MYO1B: variants seen among roughly 807,000 people sequenced by gnomAD.
MYO1B encodes unconventional myosin-Ib.
A neutral mutation model predicts 159.7 loss-of-function variants in MYO1B; 72 were observed. That is an observed-to-expected ratio of 0.45 (90% CI 0.37 to 0.55). The LOEUF (loss-of-function observed/expected upper bound fraction) is 0.55. Ranked by LOEUF, MYO1B falls within the 20% of genes least tolerant of loss-of-function variation. MYO1B has a pLI of 0.00. For missense variants in MYO1B, 1,062 were observed against 1,364.8 expected (o/e 0.78, Z 3.50); for synonymous variants, 468 against 473.8 (o/e 0.99, Z 0.16).
chr2:191,285,574 A>T (rs1282363900), intron 2 of MYO1B, among the ~76,000 whole-genome samples: 2 of 152,224 alleles, frequency 1.3e-5, no homozygotes, highest in Non-Finnish European at 2.9e-5. Flanking sequence ...GAATTGAGAA[A>T]TACTGAAAAA....
chr2:191,260,757 T>C (rs1686762829), intron 1 of MYO1B, among the ~76,000 whole-genome samples: 1 of 149,494 alleles, frequency 6.7e-6, no homozygotes, highest in African/African-American at 2.6e-5. Flanking sequence ...GTTTATTCTT[T>C]CTATCTTTAA....
intron 4 of MYO1B, among the ~76,000 whole-genome samples, chr2:191,335,097 G>A (rs1009024976): frequency 2.0e-5 from 3 of 152,130 alleles, no homozygotes; most frequent in Admixed American, 6.5e-5. Flanking sequence ...ATGAACTATC[G>A]TCTTGGGTGC....
chr2:191,404,436 T>G lies in MYO1B; in HGVS notation c.2556+1718T>G, dbSNP rs771263272. The stretch of plus-strand genomic sequence containing the variant: ...TCTTATGTAACTTCATTTGTCTGCT[T>G]TCCTATACTATTATAATTTCAGGAG... On this transcript the variant is annotated intron_variant, in intron 24 of 30. Coordinates refer to ENST00000392318, the MANE Select transcript of MYO1B (RefSeq NM_001130158.3). Among the ~76,000 whole-genome samples the G allele has an allele frequency of 3.9e-4, 60 of 152,268 alleles. 1 individual carries two copies. The highest frequency in any genetic ancestry group is 7.6e-4 in the Non-Finnish European group (52 of 68,048).
At chr2:191,305,904 A>T (rs906765278) in intron 3 of MYO1B, among the ~76,000 whole-genome samples, 2 of 152,120 alleles carry the variant, frequency 1.3e-5, no homozygotes, top group African/African-American at 4.8e-5. Flanking sequence ...TAGGCTCAGG[A>T]GAGAATTTTC....
At chr2:191,259,130 A>G (rs186159280) in intron 1 of MYO1B, among the ~76,000 whole-genome samples, 1 of 152,364 alleles carries the variant, frequency 6.6e-6, no homozygotes, top group East Asian at 1.9e-4. Context: ...TGACTAGAAC[A>G]GTTAATAACC....
At chr2:191,356,560 G>GA (rs1455838532) in intron 7 of MYO1B, among the ~76,000 whole-genome samples, 1 of 151,940 alleles carries the variant, frequency 6.6e-6, no homozygotes, top group African/African-American at 2.4e-5. Flanking sequence ...CGTTTACCAT[G>GA]AAAAAAGACT....
intron 25 of MYO1B, among the ~76,000 whole-genome samples, chr2:191,408,539 G>T (rs1697068640): frequency 6.6e-6 from 1 of 152,112 alleles, no homozygotes; most frequent in African/African-American, 2.4e-5. Flanking sequence ...GCAAATTAGT[G>T]GGGAGAGGGG....
At chr2:191,248,077 T>G in intron 1 of MYO1B, 3 of 965,452 alleles carry the variant, frequency 3.1e-6, no homozygotes, top group Non-Finnish European at 3.7e-6. Flanking sequence ...GCATTTGTCC[T>G]CCTTTGGGTA....
At chr2:191,390,614 T>C in intron 18 of MYO1B, 122 bp downstream of exon 18, 8 of 1,144,054 alleles carry the variant, frequency 7.0e-6, no homozygotes, top group Non-Finnish European at 9.6e-6. Context: ...ACCTCTGTTT[T>C]GGACCTTCTT....
intron 21 of MYO1B, among the ~76,000 whole-genome samples, chr2:191,400,179 G>C (rs1000789799): frequency 6.6e-6 from 1 of 152,130 alleles, no homozygotes; most frequent in African/African-American, 2.4e-5. Context: ...TTCCAATCAA[G>C]TGGAAACCCA....
chr2:191,292,202 T>C (rs546738902), intron 2 of MYO1B, among the ~76,000 whole-genome samples: 4 of 152,234 alleles, frequency 2.6e-5, no homozygotes, highest in Non-Finnish European at 2.9e-5. Context: ...AAACTTGTCC[T>C]GCTTGGCACC....
chr2:191,414,496 C>A, intron 28 of MYO1B, 21 bp from the exon 29 acceptor site: 1 of 1,585,202 alleles, frequency 6.3e-7, no homozygotes, highest in Non-Finnish European at 8.6e-7. Context: ...TGGTTTTATA[C>A]TATTTTTTAT....
chr2:191,308,461 A>G (rs1193296275), intron 3 of MYO1B, among the ~76,000 whole-genome samples: 1 of 152,184 alleles, frequency 6.6e-6, no homozygotes, highest in Non-Finnish European at 1.5e-5. Context: ...AAGGGTAGCA[A>G]CAGTTCAACT....
rs576178243 is a variant in MYO1B, at chr2:191,324,263, GATTTA to G, written c.252-5667_252-5663del. On this transcript the variant is annotated intron_variant, in intron 3 of 30. Transcript: ENST00000392318. ...TTTAATGTAATATTCGACATGGTTG[GATTTA>G]ATTTGTCATTCAATTATTTATTTCT... Among the ~76,000 whole-genome samples, 23 of 152,010 alleles carry G rather than the reference GATTTA, an allele frequency of 1.5e-4. No homozygotes were observed. The South Asian group carries it at 4.8e-3, about 32-fold the overall frequency.
chr2:191,251,756 C>T (rs775019765), intron 1 of MYO1B, among the ~76,000 whole-genome samples: 7 of 152,156 alleles, frequency 4.6e-5, no homozygotes, highest in African/African-American at 7.2e-5. Context: ...TATTAGTTAT[C>T]GACATTATAA....
chr2:191,256,170 A>G (rs1180993417), intron 1 of MYO1B, among the ~76,000 whole-genome samples: 1 of 152,206 alleles, frequency 6.6e-6, no homozygotes, highest in Non-Finnish European at 1.5e-5. Context: ...AGTCCTCTGT[A>G]TAGTGAAAAG....
intron 18 of MYO1B, among the ~76,000 whole-genome samples, chr2:191,391,835 C>A (rs983663711): frequency 1.3e-5 from 2 of 152,206 alleles, no homozygotes; most frequent in Admixed American, 1.3e-4. Context: ...ATTTTTGATA[C>A]AAGTATTGCC....
intron 23 of MYO1B, among the ~76,000 whole-genome samples, chr2:191,401,042 C>T (rs1386716054): frequency 6.6e-6 from 1 of 152,112 alleles, no homozygotes; most frequent in Non-Finnish European, 1.5e-5. Flanking sequence ...AAACTAATTG[C>T]TTACTAAAAA....
intron 1 of MYO1B, among the ~76,000 whole-genome samples, chr2:191,269,808 G>C (rs909509276): frequency 6.6e-6 from 1 of 152,142 alleles, no homozygotes; most frequent in Non-Finnish European, 1.5e-5. Flanking sequence ...GAGACAGATT[G>C]GATATGTGGG....
Sources: gnomAD v4.1 joint callset for allele counts (sites outside exome capture counted in the v4.1 genomes callset) on GRCh38, gnomAD v4.1.1 for gene constraint, MANE v1.5 for transcripts, NCBI Gene and HGNC (gene_info 2026-07-23, HGNC 2026-07-21) for gene names.